KIF16B: variants seen among roughly 807,000 people sequenced by gnomAD.
KIF16B encodes the protein kinesin family member 16B.
A neutral mutation model predicts 156.3 loss-of-function variants in KIF16B; 98 were observed. The ratio of observed to expected loss-of-function variants is 0.63; its 90% CI spans 0.53 to 0.74. KIF16B has a LOEUF of 0.74. Ranked by LOEUF, KIF16B falls within the 30% of genes least tolerant of loss-of-function variation. The probability of loss-of-function intolerance (pLI) is 0.00; values close to 1 mark genes in which losing one functional copy is unlikely to be tolerated. For missense variants in KIF16B, 1,421 were observed against 1,606.5 expected (o/e 0.88, Z 1.97); for synonymous variants, 564 against 583.7 (o/e 0.97, Z 0.49).
chr20:16,364,196 T>C (rs888070084), intron 22 of KIF16B, among the ~76,000 whole-genome samples: 3 of 152,208 alleles, frequency 2.0e-5, no homozygotes, highest in African/African-American at 7.2e-5. Flanking sequence ...TTTGAAATGT[T>C]TTTCAACAAA....
chr20:16,433,193 G>A (rs887116090), intron 12 of KIF16B, among the ~76,000 whole-genome samples: 56 of 152,120 alleles, frequency 3.7e-4, no homozygotes, highest in African/African-American at 1.3e-3. Flanking sequence ...CTCATGGGAA[G>A]GTTTGGTAGC....
intron 25 of KIF16B, among the ~76,000 whole-genome samples, chr20:16,307,404 A>G (rs979705129): frequency 6.6e-6 from 1 of 152,212 alleles, no homozygotes; most frequent in Non-Finnish European, 1.5e-5. Flanking sequence ...GTGAAGGTGA[A>G]GCATGTGTGA....
intron 22 of KIF16B, among the ~76,000 whole-genome samples, chr20:16,363,195 C>T (rs1169455284): frequency 6.6e-6 from 1 of 152,064 alleles, no homozygotes; most frequent in Non-Finnish European, 1.5e-5. Flanking sequence ...ACAGAGGGTG[C>T]CACGGATGAA....
At chr20:16,445,517 C>CAA (rs113870189) in intron 12 of KIF16B, among the ~76,000 whole-genome samples, 2 of 134,814 alleles carry the variant, frequency 1.5e-5, no homozygotes, top group African/African-American at 5.3e-5. Context: ...ATTTGAGTAA[C>CAA]AAAAAAAAAA....
At chr20:16,302,516 T>C (rs1410439847) in intron 25 of KIF16B, among the ~76,000 whole-genome samples, 1 of 152,208 alleles carries the variant, frequency 6.6e-6, no homozygotes, top group East Asian at 1.9e-4. Flanking sequence ...TACTGCAGCT[T>C]TGTATTAAGT....
chr20:16,440,895 T>C (rs554547972), intron 12 of KIF16B, among the ~76,000 whole-genome samples: 1 of 152,170 alleles, frequency 6.6e-6, no homozygotes, highest in African/African-American at 2.4e-5. Flanking sequence ...GAAACAGTCC[T>C]CTCCGCTGGC....
chr20:16,403,094 G>C (rs934395863), intron 17 of KIF16B, among the ~76,000 whole-genome samples: 4 of 152,144 alleles, frequency 2.6e-5, no homozygotes, highest in Non-Finnish European at 4.4e-5. Context: ...TTAGCAAATG[G>C]CTTCACATTA....
intron 25 of KIF16B, among the ~76,000 whole-genome samples, chr20:16,280,724 G>A (rs191756312): frequency 1.9e-4 from 29 of 152,308 alleles, no homozygotes; most frequent in Admixed American, 1.8e-3. Context: ...ATTTAATCCC[G>A]AAGGTTCAAG....
chr20:16,438,678 T>C (rs1364984242), intron 12 of KIF16B, among the ~76,000 whole-genome samples: 1 of 152,104 alleles, frequency 6.6e-6, no homozygotes, highest in Admixed American at 6.6e-5. Context: ...TCAACCACCA[T>C]CCTGCCTTTC....
chr20:16,381,640 A>T, intron 18 of KIF16B, 54 bp downstream of exon 18: 3 of 1,379,876 alleles, frequency 2.2e-6, no homozygotes, highest in Non-Finnish European at 3.1e-6. Flanking sequence ...CCAGGATATT[A>T]ACACAGGAAT....
intron 2 of KIF16B, among the ~76,000 whole-genome samples, chr20:16,527,579 TTTTG>T (rs748642824): frequency 3.3e-5 from 5 of 152,186 alleles, no homozygotes; most frequent in South Asian, 4.1e-4. Flanking sequence ...GTTGTTGTTT[TTTTG>T]TTTGTTTGTT....
At chr20:16,479,355 G>A (rs1002400484) in intron 12 of KIF16B, among the ~76,000 whole-genome samples, 1 of 152,062 alleles carries the variant, frequency 6.6e-6, no homozygotes, top group Non-Finnish European at 1.5e-5. Flanking sequence ...CTGGGGACTG[G>A]AGGCGGCGGA....
intron 17 of KIF16B, among the ~76,000 whole-genome samples, chr20:16,385,988 T>A (rs2065221377): frequency 6.6e-6 from 1 of 152,198 alleles, no homozygotes; most frequent in African/African-American, 2.4e-5. Context: ...AGTTTTACAC[T>A]TATAGAATCC....
intron 23 of KIF16B, among the ~76,000 whole-genome samples, chr20:16,339,566 C>T (rs1215992952): frequency 6.6e-6 from 1 of 152,206 alleles, no homozygotes; most frequent in Non-Finnish European, 1.5e-5. Flanking sequence ...ACTTGACAAG[C>T]TGGCCTACTC....
chr20:16,551,564 T>C (rs2070666670), intron 1 of KIF16B, among the ~76,000 whole-genome samples: 1 of 152,236 alleles, frequency 6.6e-6, no homozygotes, highest in African/African-American at 2.4e-5. Flanking sequence ...AGAATGAGGC[T>C]GCCAATCCCT....
intron 12 of KIF16B, among the ~76,000 whole-genome samples, chr20:16,448,538 C>A (rs1181700119): frequency 6.6e-6 from 1 of 152,112 alleles, no homozygotes; most frequent in Non-Finnish European, 1.5e-5. Flanking sequence ...CCTCCTGGGC[C>A]TGGACAGGCC....
intron 25 of KIF16B, among the ~76,000 whole-genome samples, chr20:16,284,063 TGGCAAGCGGAGCTGGGGAA>T (rs1246650802): frequency 1.3e-5 from 2 of 152,216 alleles, no homozygotes; most frequent in Non-Finnish European, 2.9e-5. Context: ...TGTCAAACCC[TGGCAAGCGGAGCTGGGGAA>T]GGCCATGAAG....
intron 24 of KIF16B, among the ~76,000 whole-genome samples, chr20:16,324,017 C>G (rs528676234): frequency 7.6e-4 from 115 of 152,046 alleles, no homozygotes; most frequent in African/African-American, 2.5e-3. Flanking sequence ...TGAGGACATT[C>G]ATATGTGCCA....
intron 12 of KIF16B, among the ~76,000 whole-genome samples, chr20:16,455,038 G>C (rs1184047805): frequency 6.6e-6 from 1 of 152,190 alleles, no homozygotes; most frequent in Admixed American, 6.5e-5. Context: ...CAACAAAGTT[G>C]TGAGTTTGTG....
Sources: gnomAD v4.1 joint callset for allele counts (sites outside exome capture counted in the v4.1 genomes callset) on GRCh38, gnomAD v4.1.1 for gene constraint, MANE v1.5 for transcripts, NCBI Gene and HGNC (gene_info 2026-07-23, HGNC 2026-07-21) for gene names.